MYT1: variants seen among roughly 807,000 people sequenced by gnomAD.
The protein encoded by MYT1 is myelin transcription factor I.
MYT1 carries 23 observed loss-of-function variants against 123.0 expected under a neutral mutation model. The ratio of observed to expected loss-of-function variants is 0.19; its 90% CI spans 0.13 to 0.26. The LOEUF (loss-of-function observed/expected upper bound fraction) is 0.26, where lower values mean the gene tolerates loss of function less well. Among genes scored for constraint, MYT1 ranks in the 10% least tolerant of loss-of-function variants. The pLI is 1.00. For missense variants in MYT1, 1,125 were observed against 1,472.5 expected, an observed-to-expected ratio of 0.76 and a Z score of 3.86; for synonymous variants, 518 against 575.3, an observed-to-expected ratio of 0.90 and a Z score of 1.43.
At chr20:64,237,432 C>A (rs1487061389) in intron 21 of MYT1, 42 bp downstream of exon 21, 3 of 1,450,280 alleles carry the variant, frequency 2.1e-6, no homozygotes, top group Admixed American at 1.9e-5. Flanking sequence ...TTTGCCCACC[C>A]AACCCAAACA....
At chr20:64,229,527 T>TA (rs1984263421) in intron 18 of MYT1, among the ~76,000 whole-genome samples, 1 of 152,192 alleles carries the variant, frequency 6.6e-6, no homozygotes, top group Non-Finnish European at 1.5e-5. Flanking sequence ...AGGAAGGTCC[T>TA]AGAGGCTCCA....
chr20:64,228,077 C>T (rs761842183), intron 18 of MYT1, 106 bp downstream of exon 18: 153 of 1,097,690 alleles, frequency 1.4e-4, no homozygotes, highest in Middle Eastern at 2.0e-4. Context: ...ATTAATACAA[C>T]GGGTCACCTA....
rs112790585 is a variant in MYT1 at position 64,238,630 on chromosome 20, G to A, written c.3094-1130G>A. Among the ~76,000 whole-genome samples the A allele has an allele frequency of 6.6e-5, 10 of 152,188 alleles. 3 individuals carry two copies. Among genetic ancestry groups the A allele is most frequent in the African/African-American group, 2.4e-4 (10 of 41,438 alleles). On this transcript the variant is annotated intron_variant, in intron 21 of 22. Coordinates refer to ENST00000328439, the MANE Select transcript of MYT1 (RefSeq NM_004535.3). ...GAGAAGGAGTGATGGCCCTCCCGGC[G>A]GAGCCATCCCCGTCCCCTCCTGGTG...
intron 21 of MYT1, 82 bp downstream of exon 21, chr20:64,237,472 G>A (rs556045051): frequency 1.3e-5 from 14 of 1,098,588 alleles, no homozygotes; most frequent in African/African-American, 1.1e-4. Context: ...GGCATCCGTC[G>A]GCACTCATCA....
intron 8 of MYT1, 89 bp downstream of exon 8, chr20:64,211,429 TG>T: frequency 5.8e-6 from 8 of 1,373,280 alleles, no homozygotes; most frequent in African/African-American, 1.4e-5. Flanking sequence ...AGGCGTGGCC[TG>T]CCCAGGGCCA....
chr20:64,223,150 C>T lies in MYT1; in HGVS notation c.2436C>T (p.Thr812=), dbSNP rs139981254. 3.4e-5 allele frequency: 55 copies of T among 1,613,996 alleles called. 2 individuals carry two copies. The African/African-American group carries it at 4.5e-4, about 13-fold the overall frequency. ...GCTGTGACGGCAGCGGCCACATCAC[C>T]GGGAACTACGCCTCCCACCGCAGGT... is the stretch of plus-strand genomic sequence containing the variant. ...TPGCDGSGHI[T]GNYASHRSLS... is the part of the protein sequence containing the mutation. The change falls in exon 15 of 23, where the codon ACC becomes ACT. Residue 812 remains threonine, a synonymous_variant. Transcript: ENST00000328439.
In MYT1 at chr20:64,208,051, GGAA is replaced by G. The variant is rs761880227; in HGVS notation, c.858_860del (p.Glu306del). 5 of 1,602,044 alleles carry G rather than the reference GGAA, an allele frequency of 3.1e-6. No individual in the cohort carries two copies. Among genetic ancestry groups the G allele is most frequent in the Admixed American group, 3.4e-5 (2 of 59,454 alleles). On this transcript the variant is annotated inframe_deletion, in exon 7 of 23. Coordinates refer to ENST00000328439, the MANE Select transcript of MYT1 (RefSeq NM_004535.3). The surrounding 1 kb of genome is among the most constrained non-coding windows in gnomAD (Gnocchi z 5.4). ...AGGAAGAGGAAGAGGAGGAGGAAGA[GGAA>G]GAGGAGGAGGAGGAAGAGGAAGAGG...
intron 2 of MYT1, among the ~76,000 whole-genome samples, chr20:64,198,242 G>C (rs959653756): frequency 7.2e-6 from 1 of 139,628 alleles, no homozygotes; most frequent in Non-Finnish European, 1.5e-5. Flanking sequence ...AGCCGAGATC[G>C]CGCCACTGCA....
At chr20:64,216,267 T>C (rs1983835138) in intron 10 of MYT1, among the ~76,000 whole-genome samples, 1 of 152,264 alleles carries the variant, frequency 6.6e-6, no homozygotes, top group African/African-American at 2.4e-5. Context: ...TCTCCTCTTC[T>C]CTGAGCTGCC....
intron 21 of MYT1, among the ~76,000 whole-genome samples, chr20:64,239,305 G>A (rs1464411270): frequency 6.6e-6 from 1 of 152,184 alleles, no homozygotes; most frequent in Non-Finnish European, 1.5e-5. Flanking sequence ...CCACGGGGGG[G>A]TGCAGTGATT....
At position 64,213,728 on chromosome 20, in the gene MYT1, TGTGCATGTGTGTGA is replaced by T. The variant is rs1290709389; in HGVS notation, c.1631+99_1631+112del. 609 of 1,101,778 alleles carry T rather than the reference TGTGCATGTGTGTGA, an allele frequency of 5.5e-4. No individual in the cohort carries two copies. Among genetic ancestry groups the T allele is most frequent in the Non-Finnish European group, 7.4e-4 (542 of 732,550 alleles). The allele number at this position is 1,101,778 out of a possible 1,614,324, so 68.3% of individuals were successfully genotyped here. A position where few individuals can be genotyped will look rare whatever the true frequency, so the allele number is the denominator to read the frequency against. The stretch of plus-strand genomic sequence containing the variant: ...GCTTCTCAGTCTCCCGCAGGCTGTA[TGTGCATGTGTGTGA>T]GTGCATGTGTGTGAGTGTACGTGCA... On this transcript the variant is annotated intron_variant, in intron 10 of 22. Transcript: ENST00000328439. The surrounding 1 kb of genome is among the most constrained non-coding windows in gnomAD (Gnocchi z 5.6).
At chr20:64,225,342 C>T (rs1984139359) in intron 16 of MYT1, among the ~76,000 whole-genome samples, 2 of 152,226 alleles carry the variant, frequency 1.3e-5, no homozygotes, top group Non-Finnish European at 2.9e-5. Flanking sequence ...CATGACTTCC[C>T]TGTCCGCACC....
intron 4 of MYT1, among the ~76,000 whole-genome samples, chr20:64,200,706 G>C (rs1983270350): frequency 6.6e-6 from 1 of 152,204 alleles, no homozygotes; most frequent in Non-Finnish European, 1.5e-5. Flanking sequence ...GCCTGGTGAT[G>C]TTATTATCCT....
At chr20:64,221,569 G>GAT (rs1200995265) in intron 13 of MYT1, among the ~76,000 whole-genome samples, 1 of 152,240 alleles carries the variant, frequency 6.6e-6, no homozygotes, top group Admixed American at 6.5e-5. Context: ...ACTGTATCCT[G>GAT]ATGTTTACGC....
intron 2 of MYT1, among the ~76,000 whole-genome samples, chr20:64,197,879 C>T (rs1369878010): frequency 6.6e-6 from 1 of 152,156 alleles, no homozygotes. Flanking sequence ...GGAGGGACAC[C>T]GATAGGCTCA....
At chr20:64,222,086 C>T (rs1330129921) in intron 14 of MYT1, 39 bp downstream of exon 14, 1 of 1,608,236 alleles carries the variant, frequency 6.2e-7, no homozygotes, top group Non-Finnish European at 8.5e-7. Flanking sequence ...CTAGGGGACC[C>T]TCTGTGGCCT....
chr20:64,218,405 C>T lies in MYT1; in HGVS notation c.1847-506C>T, dbSNP rs572472912. On this transcript the variant is annotated intron_variant, in intron 11 of 22. Coordinates refer to ENST00000328439, the MANE Select transcript of MYT1 (RefSeq NM_004535.3). The surrounding 1 kb of genome is among the most constrained non-coding windows in gnomAD (Gnocchi z 4.0). ...ACTTTTTTAAGGCAGTGATGGTTAC[C>T]GGGGACACCAAGTCAGCCTAAATAT... is the stretch of plus-strand genomic sequence containing the variant. 3.3e-5 allele frequency among the ~76,000 whole-genome samples: 5 copies of T among 152,086 alleles called. No homozygotes were observed. Among genetic ancestry groups the T allele is most frequent in the African/African-American group, 7.2e-5 (3 of 41,410 alleles).
chr20:64,219,386 G>C (rs2082804304), intron 12 of MYT1, among the ~76,000 whole-genome samples: 1 of 152,180 alleles, frequency 6.6e-6, no homozygotes, highest in Non-Finnish European at 1.5e-5. Flanking sequence ...CGGTGCACGT[G>C]CCCTGTTCAC....
chr20:64,213,792 T>TACGTGCATGTGA lies in MYT1; in HGVS notation c.1631+145_1631+146insACGTGCATGTGA. 2.8e-6 allele frequency: 2 copies of TACGTGCATGTGA among 708,034 alleles called. No individual in the cohort carries two copies. The highest frequency in any genetic ancestry group is 4.8e-6 in the Non-Finnish European group (2 of 420,572). 43.9% of individuals were successfully genotyped at this position (708,034 alleles called of 1,614,324 possible). A position where few individuals can be genotyped will look rare whatever the true frequency, so the allele number is the denominator to read the frequency against. On this transcript the variant is annotated intron_variant, in intron 10 of 22. Transcript: ENST00000328439. This position sits in a 1 kb window ranked among gnomAD's most constrained non-coding sequence, Gnocchi z 5.6. ...ATGTGAGTGTACGTGCATGTGAGTG[T>TACGTGCATGTGA]GCACATGCCCCGGGCCCCCCAGGAG...
Sources: allele counts gnomAD v4.1 joint callset (sites outside exome capture counted in the v4.1 genomes callset), GRCh38; gene constraint gnomAD v4.1.1; non-coding constraint Gnocchi (gnomAD v3.1); transcripts MANE v1.5; gene names NCBI Gene and HGNC (gene_info 2026-07-23, HGNC 2026-07-21).